Variants in SEMA6D observed in about 807,000 individuals in gnomAD.
The protein encoded by SEMA6D is semaphorin 6D.
SEMA6D carries 35 observed loss-of-function variants against 106.6 expected under a neutral mutation model. The observed-to-expected ratio is 0.33, with a 90% CI of 0.25 to 0.44. The LOEUF is 0.44. SEMA6D is among the 20% of genes least tolerant of loss of function. The pLI is 1.00. For synonymous variants in SEMA6D, 499 were observed against 487.7 expected (o/e 1.02, Z -0.31); for missense variants, 1,185 against 1,345.9 (o/e 0.88, Z 1.87).
intron 2 of SEMA6D, among the ~76,000 whole-genome samples, chr15:47,443,223 G>T (rs1336867334): frequency 6.6e-5 from 10 of 152,064 alleles, no homozygotes; most frequent in Admixed American, 6.6e-4. Context: ...TCATTGAGAG[G>T]TAGAGTCTGT....
intron 1 of SEMA6D, among the ~76,000 whole-genome samples, chr15:47,275,859 G>A (rs8041852): frequency 4.4e-4 from 67 of 152,208 alleles, no homozygotes; most frequent in Admixed American, 3.2e-3. Flanking sequence ...CGAAAGCAAG[G>A]CCTCTTGTAC....
chr15:47,625,306 A>T (rs895736631), intron 4 of SEMA6D, among the ~76,000 whole-genome samples: 18 of 152,210 alleles, frequency 1.2e-4, no homozygotes, highest in Non-Finnish European at 7.3e-5. Context: ...TACAGGAGTG[A>T]TAAAATATTT....
chr15:47,760,509 T>C, intron 3 of SEMA6D, 94 bp downstream of exon 3: 1 of 959,110 alleles, frequency 1.0e-6, no homozygotes, highest in South Asian at 1.6e-5. Flanking sequence ...TAATATGTGA[T>C]TGTGATCAAA....
At chr15:47,302,310 G>C (rs1413477549) in intron 1 of SEMA6D, among the ~76,000 whole-genome samples, 2 of 152,040 alleles carry the variant, frequency 1.3e-5, no homozygotes, top group Admixed American at 6.6e-5. Flanking sequence ...CCATATGTAA[G>C]CCCTTTTCTG....
At chr15:47,254,331 G>GTGTATATATATATA (rs33925888) in intron 1 of SEMA6D, among the ~76,000 whole-genome samples, 3 of 139,254 alleles carry the variant, frequency 2.2e-5, no homozygotes, top group African/African-American at 5.3e-5. Flanking sequence ...GTGTGTGTGT[G>GTGTATATATATATA]TATATATATA....
At chr15:47,652,576 T>C (rs1566962079) in intron 4 of SEMA6D, among the ~76,000 whole-genome samples, 1 of 152,204 alleles carries the variant, frequency 6.6e-6, no homozygotes, top group Non-Finnish European at 1.5e-5. Context: ...TGAGTGTTTT[T>C]GCATCATATA....
chr15:47,698,868 C>G (rs1023968125), intron 4 of SEMA6D, among the ~76,000 whole-genome samples: 1 of 152,224 alleles, frequency 6.6e-6, no homozygotes, highest in East Asian at 1.9e-4. Flanking sequence ...TAGAGACAAA[C>G]TAGATCCCTA....
intron 4 of SEMA6D, among the ~76,000 whole-genome samples, chr15:47,650,533 T>C (rs1248242316): frequency 1.3e-5 from 2 of 152,228 alleles, no homozygotes; most frequent in Non-Finnish European, 2.9e-5. Context: ...GAGTTGCTGA[T>C]TTCCCTGTCA....
chr15:47,257,308 T>TG (rs1477980161), intron 1 of SEMA6D, among the ~76,000 whole-genome samples: 2 of 152,154 alleles, frequency 1.3e-5, no homozygotes, highest in African/African-American at 4.8e-5. Context: ...CCACCCGCCT[T>TG]GGCCCCCCAA....
At chr15:47,282,710 T>C (rs995572542) in intron 1 of SEMA6D, among the ~76,000 whole-genome samples, 3 of 152,164 alleles carry the variant, frequency 2.0e-5, no homozygotes, top group African/African-American at 7.2e-5. Context: ...GGTCAGTTAG[T>C]GTGGGGCACT....
At chr15:47,309,004 C>T (rs76149325) in intron 1 of SEMA6D, among the ~76,000 whole-genome samples, 2,716 of 152,242 alleles carry the variant, frequency 0.018, 90 homozygotes, top group African/African-American at 0.061. Flanking sequence ...ACTTAAGTTG[C>T]GCCTCCATTA....
rs1386312181 is a variant in SEMA6D at position 47,770,792 on chromosome 15, C to T, written c.2229C>T (p.Thr743=). 4 of 1,613,888 alleles carry T rather than the reference C, an allele frequency of 2.5e-6. No homozygotes were observed. The highest frequency in any genetic ancestry group is 3.4e-6 in the Non-Finnish European group (4 of 1,179,978). The change falls in exon 19 of 19, where the codon ACC becomes ACT. Residue 743 remains threonine (T), a synonymous_variant. Coordinates refer to ENST00000536845, the MANE Select transcript of SEMA6D (RefSeq NM_001358351.3). ...DSPKLYSNLL[T]SRKELPPNGD... ...CTAAACTGTATAGTAACCTGCTAAC[C>T]AGTCGGAAAGAGCTACCACCCAATG...
chr15:47,766,121 C>T lies in SEMA6D; in HGVS notation c.1585C>T (p.Arg529Cys), dbSNP rs760143548. 11 of 1,613,546 alleles carry T rather than the reference C, an allele frequency of 6.8e-6. No homozygotes were observed. The highest frequency in any genetic ancestry group is 2.7e-5 in the African/African-American group (2 of 74,880). ...GSCKKSCIAS[R>C]DPYCGWLSQG... ...TTTACACAGGTCTTGTATTGCATCT[C>T]GTGACCCGTATTGTGGCTGGTTAAG... The change falls in exon 15 of 19, where the codon CGT becomes TGT. Residue 529 changes from arginine to cysteine, a missense_variant. This residue lies in a region of SEMA6D where 750 missense variants were observed against 783.5 expected (regional missense o/e 0.96). Transcript: ENST00000536845.
At chr15:47,252,305 TATG>T (rs1746311476) in intron 1 of SEMA6D, among the ~76,000 whole-genome samples, 1 of 152,188 alleles carries the variant, frequency 6.6e-6, no homozygotes, top group African/African-American at 2.4e-5. Flanking sequence ...TGCTATATAG[TATG>T]ATGTTTCAAT....
intron 3 of SEMA6D, among the ~76,000 whole-genome samples, chr15:47,501,004 A>T (rs941689421): frequency 1.1e-4 from 17 of 152,130 alleles, no homozygotes; most frequent in African/African-American, 4.1e-4. Flanking sequence ...CAGTTGTATA[A>T]TTGCTTCCAA....
intron 1 of SEMA6D, among the ~76,000 whole-genome samples, chr15:47,381,367 A>T (rs1219731505): frequency 1.3e-5 from 2 of 152,220 alleles, no homozygotes; most frequent in African/African-American, 4.8e-5. Flanking sequence ...ATCACAGATA[A>T]CCATTGCACA....
At chr15:47,590,818 G>T (rs896566566) in intron 3 of SEMA6D, among the ~76,000 whole-genome samples, 1 of 152,180 alleles carries the variant, frequency 6.6e-6, no homozygotes, top group Admixed American at 6.5e-5. Flanking sequence ...AGGGAACATG[G>T]CCCTGCCAAC....
At chr15:47,218,832 A>C (rs1409294104) in intron 1 of SEMA6D, among the ~76,000 whole-genome samples, 1 of 152,208 alleles carries the variant, frequency 6.6e-6, no homozygotes, top group African/African-American at 2.4e-5. Context: ...ATCTTGGAGA[A>C]CAGGTAATAG....
In SEMA6D at chr15:47,485,104, C is replaced by T. The variant is rs116035180; in HGVS notation, c.-87+14559C>T. On this transcript the variant is annotated intron_variant, in intron 3 of 19. Transcript: ENST00000558014. ...CAAATTGGCATTTATGTGTATGTGG[C>T]TTTTATGCTACAGGAGATTCACCAA... Among the ~76,000 whole-genome samples the T allele has an allele frequency of 4.8e-4, 73 of 152,238 alleles. 1 individual carries two copies. Among genetic ancestry groups the T allele is most frequent in the African/African-American group, 1.7e-3 (71 of 41,556 alleles).
Sources: allele counts gnomAD v4.1 joint callset (sites outside exome capture counted in the v4.1 genomes callset), GRCh38; gene constraint gnomAD v4.1.1; regional missense constraint gnomAD v4.1.1; transcripts MANE v1.5; gene names NCBI Gene and HGNC (gene_info 2026-07-23, HGNC 2026-07-21).